MPP7: variants seen among roughly 807,000 people sequenced by gnomAD.
The protein encoded by MPP7 is MAGUK p55 scaffold protein 7, also known as MAGUK p55 subfamily member 7.
MPP7 carries 60 observed loss-of-function variants against 76.5 expected under a neutral mutation model. The observed-to-expected ratio is 0.78, with a 90% CI of 0.64 to 0.97. The LOEUF (loss-of-function observed/expected upper bound fraction) is 0.97. Ranked by LOEUF, MPP7 falls within the 50% of genes least tolerant of loss-of-function variation. MPP7 has a pLI of 0.00. For synonymous variants in MPP7, 237 were observed against 244.5 expected, an observed-to-expected ratio of 0.97 and a Z score of 0.29; for missense variants, 641 against 694.0, an observed-to-expected ratio of 0.92 and a Z score of 0.86.
chr10:28,314,453 G>A (rs530044759), intron 2 of MPP7, among the ~76,000 whole-genome samples: 31 of 152,322 alleles, frequency 2.0e-4, no homozygotes, highest in Admixed American at 8.5e-4. Context: ...TAATGGCACC[G>A]CCTCCTGGAG....
At chr10:28,266,728 T>C (rs1589005745) in intron 1 of MPP7, among the ~76,000 whole-genome samples, 2 of 152,332 alleles carry the variant, frequency 1.3e-5, no homozygotes, top group South Asian at 2.1e-4. Flanking sequence ...CTCTTCTATG[T>C]CCCTCTGACA....
rs1835144377 is a variant in MPP7 at position 28,130,079 on chromosome 10, T to C, written c.447+1481A>G. Among the ~76,000 whole-genome samples the C allele has an allele frequency of 1.3e-5, 2 of 152,210 alleles. 1 individual carries two copies. The highest frequency in any genetic ancestry group is 4.1e-4 in the South Asian group (2 of 4,830). On this transcript the variant is annotated intron_variant, in intron 6 of 16. Coordinates refer to ENST00000683449, the MANE Select transcript of MPP7 (RefSeq NM_001318170.2). ...GGTAACCATTCTCTCCTTGAGCAGA[T>C]GCAACCTAGCTTTTATAAGTATTAA...
At chr10:28,124,305 A>G (rs913531440) in intron 7 of MPP7, among the ~76,000 whole-genome samples, 189 bp from the exon 8 acceptor site, 1 of 152,168 alleles carries the variant, frequency 6.6e-6, no homozygotes, top group Non-Finnish European at 1.5e-5. Flanking sequence ...ACCACAACAT[A>G]GTAATGCTGG....
Position 28,189,967 on chromosome 10 carries a change from C to A in MPP7, c.156+12186G>T, listed in dbSNP as rs192030757. Among the ~76,000 whole-genome samples the A allele has an allele frequency of 1.7e-3, 260 of 151,678 alleles. 2 individuals carry two copies. The highest frequency in any genetic ancestry group is 2.8e-3 in the Non-Finnish European group (190 of 67,904). On this transcript the variant is annotated intron_variant, in intron 3 of 16. Transcript: ENST00000683449. ...CATTGAACATAAAGATACAGACACA[C>A]GAAAAGAAAAAAGTAGAGAAAGATA...
chr10:28,200,548 G>C (rs558262069), intron 3 of MPP7, among the ~76,000 whole-genome samples: 1 of 152,146 alleles, frequency 6.6e-6, no homozygotes, highest in African/African-American at 2.4e-5. Context: ...TCAAGCCAGT[G>C]TAACTAAGAA....
At chr10:28,070,287 TAC>T (rs1852181830) in intron 12 of MPP7, among the ~76,000 whole-genome samples, 1 of 152,058 alleles carries the variant, frequency 6.6e-6, no homozygotes, top group African/African-American at 2.4e-5. Context: ...TAGTCCCAGC[TAC>T]TCAGGAGGCT....
chr10:28,273,175 C>A (rs1296195205), intron 1 of MPP7, among the ~76,000 whole-genome samples: 3 of 152,208 alleles, frequency 2.0e-5, no homozygotes, highest in African/African-American at 7.2e-5. Context: ...ACCTCGGCCT[C>A]CCAAAGTTCT....
chr10:28,078,754 ATAC>A (rs1412081029), intron 12 of MPP7, among the ~76,000 whole-genome samples: 1 of 152,214 alleles, frequency 6.6e-6, no homozygotes, highest in Non-Finnish European at 1.5e-5. Flanking sequence ...GAAAAGCATA[ATAC>A]TACTTTAAAT....
At chr10:28,289,973 C>A (rs1840875944) in intron 1 of MPP7, among the ~76,000 whole-genome samples, 1 of 152,146 alleles carries the variant, frequency 6.6e-6, no homozygotes. Flanking sequence ...CATGTGCCAC[C>A]ACGTCCAGCT....
intron 12 of MPP7, among the ~76,000 whole-genome samples, chr10:28,088,658 C>G (rs1356216273): frequency 6.6e-6 from 1 of 152,132 alleles, no homozygotes; most frequent in Non-Finnish European, 1.5e-5. Flanking sequence ...TAAGAGACAC[C>G]ATGCTCTTCT....
intron 5 of MPP7, among the ~76,000 whole-genome samples, chr10:28,140,364 T>C (rs910836798): frequency 1.3e-5 from 2 of 151,882 alleles, no homozygotes; most frequent in Non-Finnish European, 2.9e-5. Flanking sequence ...ACACAAAAAT[T>C]AGCCAGGCGG....
intron 1 of MPP7, among the ~76,000 whole-genome samples, chr10:28,333,337 G>C (rs941753544): frequency 3.9e-5 from 6 of 152,070 alleles, no homozygotes; most frequent in African/African-American, 1.4e-4. Context: ...GTAGAGACAG[G>C]GTTTTGCCAT....
In MPP7 at chr10:28,051,635, T is replaced by C. The variant is rs559255153; in HGVS notation, c.*2430A>G. 1 of 152,266 alleles carries C rather than the reference T, an allele frequency of 6.6e-6. No individual in the cohort carries two copies. The highest frequency in any genetic ancestry group is 1.5e-5 in the Non-Finnish European group (1 of 68,008). 9.4% of individuals were successfully genotyped at this position (152,266 alleles called of 1,614,324 possible). On this transcript the variant is annotated 3_prime_UTR_variant, in exon 17 of 17. Transcript: ENST00000683449. The stretch of plus-strand genomic sequence containing the variant: ...GGAGAAGGAGGCTGGGGGAAGAAAG[T>C]ACAGAATTCAGGGCCTTTTTGCTGC...
chr10:28,194,924 A>G (rs750963047), intron 3 of MPP7, among the ~76,000 whole-genome samples: 2 of 152,232 alleles, frequency 1.3e-5, no homozygotes, highest in Non-Finnish European at 2.9e-5. Flanking sequence ...TACCATGCCA[A>G]TGCAAGAGGT....
intron 2 of MPP7, among the ~76,000 whole-genome samples, chr10:28,315,884 A>G (rs1477453287): frequency 1.3e-5 from 2 of 152,160 alleles, no homozygotes; most frequent in African/African-American, 4.8e-5. Flanking sequence ...ATGAGAAGTC[A>G]TGTTGCCTGT....
At chr10:28,064,058 C>G (rs1851897716) in intron 13 of MPP7, among the ~76,000 whole-genome samples, 1 of 152,134 alleles carries the variant, frequency 6.6e-6, no homozygotes, top group African/African-American at 2.4e-5. Context: ...AACCGTATGG[C>G]CTCAGCATTC....
chr10:28,243,333 G>T (rs1436240927), intron 1 of MPP7, among the ~76,000 whole-genome samples: 1 of 151,894 alleles, frequency 6.6e-6, no homozygotes, highest in Non-Finnish European at 1.5e-5. Flanking sequence ...CTTTGCACTG[G>T]TTCTATCAGC....
chr10:28,238,876 C>T, intron 1 of MPP7, 141 bp from the exon 2 acceptor site: 1 of 442,828 alleles, frequency 2.3e-6, no homozygotes, highest in South Asian at 4.3e-5. Flanking sequence ...AGACCACATG[C>T]AAGTACAAAC....
intron 11 of MPP7, among the ~76,000 whole-genome samples, chr10:28,090,975 C>T (rs1344840340): frequency 6.6e-6 from 1 of 152,028 alleles, no homozygotes; most frequent in African/African-American, 2.4e-5. Context: ...GGAGAAACCC[C>T]ATCTCTACTA....
Sources: allele counts gnomAD v4.1 joint callset (sites outside exome capture counted in the v4.1 genomes callset), GRCh38; gene constraint gnomAD v4.1.1; transcripts MANE v1.5; gene names NCBI Gene and HGNC (gene_info 2026-07-23, HGNC 2026-07-21).